The following PITPNC1 variants were observed in gnomAD, a reference collection of about 807,000 sequenced individuals.
The protein encoded by PITPNC1 is cytoplasmic phosphatidylinositol transfer protein 1.
A neutral mutation model predicts 44.7 loss-of-function variants in PITPNC1; 18 were observed. That is an observed-to-expected ratio of 0.40 (90% CI 0.28 to 0.60). The LOEUF (loss-of-function observed/expected upper bound fraction) is 0.60. Ranked by LOEUF, PITPNC1 falls within the 20% of genes least tolerant of loss-of-function variation. The pLI, the probability that PITPNC1 is intolerant of heterozygous loss-of-function variation, is 0.39. For missense variants in PITPNC1, 290 were observed against 418.4 expected (o/e 0.69, Z 2.68); for synonymous variants, 141 against 149.6 (o/e 0.94, Z 0.42).
chr17:67,531,623 G>C (rs2040463075), intron 1 of PITPNC1, among the ~76,000 whole-genome samples: 3 of 152,206 alleles, frequency 2.0e-5, no homozygotes, highest in African/African-American at 7.2e-5. Flanking sequence ...CTGTTGACTT[G>C]TGCATTTCAT....
chr17:67,649,192 C>A (rs939386174), intron 6 of PITPNC1, among the ~76,000 whole-genome samples: 25 of 152,306 alleles, frequency 1.6e-4, no homozygotes, highest in Admixed American at 7.8e-4. Flanking sequence ...GAGCCGGGAA[C>A]TTGCAGGCCC....
At chr17:67,378,953 G>A (rs551912050) in intron 1 of PITPNC1, 162 of 984,734 alleles carry the variant, frequency 1.6e-4, no homozygotes, top group Non-Finnish European at 1.9e-4. Flanking sequence ...CGCCGGGCGC[G>A]GGGCGGGGGC....
intron 1 of PITPNC1, among the ~76,000 whole-genome samples, chr17:67,426,957 G>C (rs2038775658): frequency 6.6e-6 from 1 of 152,082 alleles, no homozygotes. Flanking sequence ...TCACATGCTG[G>C]TGAGTTCTGA....
At chr17:67,462,451 C>T (rs892265364) in intron 1 of PITPNC1, among the ~76,000 whole-genome samples, 3 of 151,828 alleles carry the variant, frequency 2.0e-5, no homozygotes, top group Non-Finnish European at 4.4e-5. Context: ...AGGCTGGTTT[C>T]AAACTCCTGA....
At position 67,378,175 on chromosome 17, in the gene PITPNC1, G is replaced by C; in HGVS notation, c.21G>C (p.Arg7=). The C allele has an allele frequency of 6.5e-7, 1 of 1,549,198 alleles. No homozygotes were observed. Among genetic ancestry groups the C allele is most frequent in the South Asian group, 1.2e-5 (1 of 84,308 alleles). The part of the protein sequence containing the change: MLLKEY[R]ICMPLTVDEY... Reference sequence around the variant, plus strand: ...GGACCATGCTGCTGAAAGAGTACCGGATCTGCATGCCGCTCACCGTAGACG... The same window carrying C: ...GGACCATGCTGCTGAAAGAGTACCGCATCTGCATGCCGCTCACCGTAGACG... The change falls in exon 1 of 9, where the codon CGG becomes CGC. Residue 7 remains arginine (R), a synonymous_variant. Coordinates refer to ENST00000581322, the MANE Select transcript of PITPNC1 (RefSeq NM_012417.4).
At chr17:67,512,203 A>C (rs1416875221) in intron 1 of PITPNC1, among the ~76,000 whole-genome samples, 1 of 152,148 alleles carries the variant, frequency 6.6e-6, no homozygotes, top group East Asian at 1.9e-4. Context: ...CTTCAAATGA[A>C]AACCGGATTT....
chr17:67,589,021 A>T (rs2041356792), intron 5 of PITPNC1, among the ~76,000 whole-genome samples: 1 of 152,218 alleles, frequency 6.6e-6, no homozygotes, highest in East Asian at 1.9e-4. Flanking sequence ...GTTAAAAAGG[A>T]GGTTGCACAA....
rs1035524928 is a variant in PITPNC1 at position 67,431,745 on chromosome 17, A to T, written c.48+53543A>T. 9.8e-5 allele frequency among the ~76,000 whole-genome samples: 15 copies of T among 152,336 alleles called. No homozygotes were observed. The East Asian group carries it at 2.7e-3, about 27-fold the overall frequency. On this transcript the variant is annotated intron_variant, in intron 1 of 8. Transcript: ENST00000581322. ...TCGAGTCATAAACACAGAGGCATGC[A>T]TAGTTCACACATCTCCATGTATTTT... is the stretch of plus-strand genomic sequence containing the variant.
chr17:67,694,130 G>A lies in PITPNC1; in HGVS notation c.*1242G>A, dbSNP rs2042972950. ...AGTGGTAATGCAAGATTAGAATCAAGGTTGACAGGAGGCAAGGTCACTCAC... is the reference window on the plus strand; with the variant it reads ...AGTGGTAATGCAAGATTAGAATCAAAGTTGACAGGAGGCAAGGTCACTCAC... On this transcript the variant is annotated 3_prime_UTR_variant, in exon 9 of 9. Coordinates refer to ENST00000581322, the MANE Select transcript of PITPNC1 (RefSeq NM_012417.4). 1 of 152,216 alleles carries A rather than the reference G, an allele frequency of 6.6e-6. No individual in the cohort carries two copies. 9.4% of individuals were successfully genotyped at this position (152,216 alleles called of 1,614,324 possible). A position where few individuals can be genotyped will look rare whatever the true frequency, so the allele number is the denominator to read the frequency against.
intron 5 of PITPNC1, among the ~76,000 whole-genome samples, chr17:67,610,001 G>A (rs1044239198): frequency 2.6e-5 from 4 of 152,106 alleles, no homozygotes; most frequent in Non-Finnish European, 5.9e-5. Context: ...GGGAATCCAC[G>A]TAGACTTCAA....
chr17:67,550,106 A>G (rs1053519253), intron 2 of PITPNC1, among the ~76,000 whole-genome samples: 1 of 152,236 alleles, frequency 6.6e-6, no homozygotes, highest in Non-Finnish European at 1.5e-5. Flanking sequence ...AGCGAAAGCT[A>G]TAAAAACCCC....
rs1020562098 is a variant in PITPNC1, at chr17:67,486,283, T to C, written c.49-46519T>C. The stretch of plus-strand genomic sequence containing the variant: ...CTATATATATATAATGAACACTCAA[T>C]ATATATTGATGGTGGTGTTTTCATG... On this transcript the variant is annotated intron_variant, in intron 1 of 8. Transcript: ENST00000581322. 2.6e-5 allele frequency among the ~76,000 whole-genome samples: 4 copies of C among 152,282 alleles called. No homozygotes were observed. The East Asian group carries it at 7.7e-4, about 29-fold the overall frequency.
At chr17:67,449,214 T>G (rs1417766859) in intron 1 of PITPNC1, among the ~76,000 whole-genome samples, 1 of 152,246 alleles carries the variant, frequency 6.6e-6, no homozygotes, top group Non-Finnish European at 1.5e-5. Context: ...TCTCTGACTT[T>G]CTAAGGAGTG....
intron 1 of PITPNC1, among the ~76,000 whole-genome samples, chr17:67,397,922 T>G (rs2038243813): frequency 6.6e-6 from 1 of 152,078 alleles, no homozygotes; most frequent in South Asian, 2.1e-4. Flanking sequence ...TGAAACCCTG[T>G]CTCGACTAAA....
chr17:67,432,086 C>G (rs2038864557), intron 1 of PITPNC1, among the ~76,000 whole-genome samples: 1 of 152,192 alleles, frequency 6.6e-6, no homozygotes, highest in Admixed American at 6.5e-5. Flanking sequence ...GATGGTTTCT[C>G]TAATAATAGC....
chr17:67,450,533 C>G (rs2039160797), intron 1 of PITPNC1, among the ~76,000 whole-genome samples: 1 of 152,152 alleles, frequency 6.6e-6, no homozygotes, highest in Non-Finnish European at 1.5e-5. Flanking sequence ...TCAAGCGATC[C>G]TCCCACCTCA....
intron 7 of PITPNC1, among the ~76,000 whole-genome samples, chr17:67,671,797 G>A (rs1357846364): frequency 6.6e-6 from 1 of 152,150 alleles, no homozygotes; most frequent in African/African-American, 2.4e-5. Flanking sequence ...AGCTCCCAAA[G>A]TAAATGTTTT....
intron 1 of PITPNC1, among the ~76,000 whole-genome samples, chr17:67,490,210 A>G (rs1251631116): frequency 6.7e-6 from 1 of 148,828 alleles, no homozygotes; most frequent in Non-Finnish European, 1.5e-5. Context: ...AGAATGAGGA[A>G]TGAGGATGCA....
At chr17:67,527,719 T>C (rs2040408863) in intron 1 of PITPNC1, among the ~76,000 whole-genome samples, 1 of 149,354 alleles carries the variant, frequency 6.7e-6, no homozygotes, top group Non-Finnish European at 1.5e-5. Context: ...AAAAAAGGAA[T>C]ATAGGCTGGG....
Sources: allele counts gnomAD v4.1 joint callset (sites outside exome capture counted in the v4.1 genomes callset), GRCh38; gene constraint gnomAD v4.1.1; transcripts MANE v1.5; gene names NCBI Gene and HGNC (gene_info 2026-07-23, HGNC 2026-07-21).